TRMT11: variants seen among roughly 807,000 people sequenced by gnomAD.
TRMT11 encodes the protein tRNA methyltransferase 11.
A neutral mutation model predicts 62.8 loss-of-function variants in TRMT11; 53 were observed. That is an observed-to-expected ratio of 0.84 (90% CI 0.68 to 1.06). TRMT11 has a LOEUF of 1.06. TRMT11 is among the 50% of genes least tolerant of loss of function. The pLI is 0.00. For missense variants in TRMT11, 556 were observed against 553.4 expected (o/e 1.00, Z -0.05); for synonymous variants, 188 against 190.3 (o/e 0.99, Z 0.10).
At chr6:126,152,224 T>C (rs1778067719) in intron 21 of TRMT11, among the ~76,000 whole-genome samples, 1 of 151,190 alleles carries the variant, frequency 6.6e-6, no homozygotes, top group African/African-American at 2.4e-5. Flanking sequence ...GATTAGGTTG[T>C]GGCATGCTAG....
At chr6:126,268,608 A>G in the TRMT11 span, among the ~76,000 whole-genome samples, 1 of 152,124 alleles carries the variant, frequency 6.6e-6, no homozygotes, top group African/African-American at 2.4e-5. Context: ...CTGAGACTTG[A>G]GCCTCTTTCT....
At chr6:126,036,076 A>C (rs1775132576) in intron 12 of TRMT11, among the ~76,000 whole-genome samples, 1 of 152,062 alleles carries the variant, frequency 6.6e-6, no homozygotes, top group African/African-American at 2.4e-5. Flanking sequence ...GTTCTAGAAT[A>C]TTCCATGAAG....
At chr6:126,225,312 T>C in the TRMT11 span, among the ~76,000 whole-genome samples, 3 of 152,140 alleles carry the variant, frequency 2.0e-5, no homozygotes, top group Admixed American at 6.5e-5. Context: ...TGGAGGTCCA[T>C]GGAGAGAGGG....
chr6:126,012,717 G>T, intron 9 of TRMT11, 54 bp from the exon 10 acceptor site: 2 of 1,402,982 alleles, frequency 1.4e-6, no homozygotes, highest in Non-Finnish European at 1.0e-6. Context: ...GTTTGCCCTT[G>T]ATCCATGATT....
chr6:125,986,742 C>T (rs1789696778), intron 1 of TRMT11, 120 bp downstream of exon 1: 1 of 913,104 alleles, frequency 1.1e-6, no homozygotes, highest in Non-Finnish European at 1.6e-6. Context: ...CGCTGGTCTG[C>T]GCGGGTCACG....
intron 2 of TRMT11, among the ~76,000 whole-genome samples, chr6:125,994,970 G>A (rs1791246301): frequency 6.6e-6 from 1 of 152,166 alleles, no homozygotes; most frequent in South Asian, 2.1e-4. Context: ...ACACACTGGA[G>A]CCTGTTGGGG....
At chr6:126,019,380 G>A (rs537762405) in intron 11 of TRMT11, among the ~76,000 whole-genome samples, 205 of 152,162 alleles carry the variant, frequency 1.3e-3, no homozygotes, top group African/African-American at 4.3e-3. Flanking sequence ...GCAGTTTAGC[G>A]TCATTCATGT....
intron 8 of TRMT11, 102 bp from the exon 9 acceptor site, chr6:126,011,151 T>C: frequency 2.0e-6 from 2 of 976,530 alleles, no homozygotes; most frequent in Non-Finnish European, 2.9e-6. Context: ...AAATTTTGAA[T>C]AAATGTAGGT....
chr6:126,183,755 T>A (rs913304291), intron 1 of TRMT11, among the ~76,000 whole-genome samples: 23 of 147,208 alleles, frequency 1.6e-4, no homozygotes, highest in African/African-American at 5.7e-4. Flanking sequence ...TCACCGTTTT[T>A]AATAAGAATT....
chr6:126,104,512 A>C (rs1777441486), intron 17 of TRMT11, among the ~76,000 whole-genome samples: 1 of 152,170 alleles, frequency 6.6e-6, no homozygotes, highest in South Asian at 2.1e-4. Flanking sequence ...CAGTTAATGT[A>C]GGATTGTGGC....
At chr6:126,193,675 A>G (rs1017986056) in intron 1 of TRMT11, among the ~76,000 whole-genome samples, 4 of 151,420 alleles carry the variant, frequency 2.6e-5, no homozygotes, top group African/African-American at 7.3e-5. Flanking sequence ...TCTATTTTTT[A>G]GTAGAGACGG....
At chr6:126,239,172 C>A in the TRMT11 span, among the ~76,000 whole-genome samples, 1 of 152,154 alleles carries the variant, frequency 6.6e-6, no homozygotes, top group Non-Finnish European at 1.5e-5. Flanking sequence ...ATTTGCCAGT[C>A]TGTGTCTTTT....
chr6:126,165,106 G>A (rs186537620), intron 21 of TRMT11, among the ~76,000 whole-genome samples: 83 of 152,060 alleles, frequency 5.5e-4, no homozygotes, highest in African/African-American at 1.9e-3. Context: ...GTGAAACCCC[G>A]TCTCTACTAA....
chr6:126,173,004 T>C (rs764763107), upstream of TRMT11, among the ~76,000 whole-genome samples: 1 of 152,128 alleles, frequency 6.6e-6, no homozygotes, highest in Non-Finnish European at 1.5e-5. Flanking sequence ...AGAGAAGATA[T>C]GTCATGAGGC....
At chr6:125,995,120 A>C (rs552005486) in intron 2 of TRMT11, among the ~76,000 whole-genome samples, 1 of 152,330 alleles carries the variant, frequency 6.6e-6, no homozygotes, top group East Asian at 1.9e-4. Context: ...CATCCTGCAC[A>C]GGTATCCCTG....
intron 1 of TRMT11, among the ~76,000 whole-genome samples, chr6:126,183,094 C>G (rs1287132285): frequency 6.6e-6 from 1 of 152,266 alleles, no homozygotes; most frequent in East Asian, 1.9e-4. Context: ...TGATTGATGA[C>G]ATTTCCTAAT....
At chr6:126,097,151 AGAG>A (rs1393480712) in intron 17 of TRMT11, among the ~76,000 whole-genome samples, 1 of 152,304 alleles carries the variant, frequency 6.6e-6, no homozygotes, top group African/African-American at 2.4e-5. Context: ...AATATGAAAT[AGAG>A]GAGTTTTCTG....
At chr6:126,022,113 G>A (rs994923312) in intron 12 of TRMT11, among the ~76,000 whole-genome samples, 7 of 131,816 alleles carry the variant, frequency 5.3e-5, no homozygotes, top group Admixed American at 2.7e-4. Flanking sequence ...AGGCAATCTC[G>A]GCTCACTGCA....
At chr6:126,086,041 G>A (rs1777213771) in intron 17 of TRMT11, among the ~76,000 whole-genome samples, 1 of 152,202 alleles carries the variant, frequency 6.6e-6, no homozygotes, top group Admixed American at 6.5e-5. Flanking sequence ...TGGTATCAGA[G>A]GTCTATGGTT....
Sources: gnomAD v4.1 joint callset for allele counts (sites outside exome capture counted in the v4.1 genomes callset) on GRCh38, gnomAD v4.1.1 for gene constraint, MANE v1.5 for transcripts, NCBI Gene and HGNC (gene_info 2026-07-23, HGNC 2026-07-21) for gene names.